Variants in ABCA3 observed in about 807,000 individuals in gnomAD.
The protein encoded by ABCA3 is phospholipid-transporting ATPase ABCA3.
ABCA3 carries 88 observed loss-of-function variants against 172.8 expected under a neutral mutation model. That is an observed-to-expected ratio of 0.51 (90% CI 0.43 to 0.61). The LOEUF (loss-of-function observed/expected upper bound fraction) is 0.61. Among genes scored for constraint, ABCA3 ranks in the 20% least tolerant of loss-of-function variants. The pLI, the probability that ABCA3 is intolerant of heterozygous loss-of-function variation, is 0.00. For synonymous variants in ABCA3, 1,066 were observed against 983.8 expected, an observed-to-expected ratio of 1.08 and a Z score of -1.56; for missense variants, 2,164 against 2,301.0, an observed-to-expected ratio of 0.94 and a Z score of 1.22.
At chr16:2,318,350 T>A (rs2093719992) in intron 8 of ABCA3, among the ~76,000 whole-genome samples, 1 of 152,210 alleles carries the variant, frequency 6.6e-6, no homozygotes, top group South Asian at 2.1e-4. Flanking sequence ...GGCGTGGTGA[T>A]GAGGAAACCC....
chr16:2,324,228 C>A (rs1339529073), intron 6 of ABCA3, among the ~76,000 whole-genome samples, 176 bp downstream of exon 6: 2 of 152,150 alleles, frequency 1.3e-5, no homozygotes, highest in African/African-American at 4.8e-5. Context: ...CACCAAGATC[C>A]CCTTGGCGGG....
At position 2,309,489 on chromosome 16, in the gene ABCA3, C is replaced by T. The variant is rs182028773; in HGVS notation, c.1112-866G>A. The stretch of plus-strand genomic sequence containing the variant: ...GCAGGATGGGAGAAGAGGCTCCCGA[C>T]GGCCGGGAAGGCTTCGAGGAGGTGA... On this transcript the variant is annotated intron_variant, in intron 10 of 32. Coordinates refer to ENST00000301732, the MANE Select transcript of ABCA3 (RefSeq NM_001089.3). Among the ~76,000 whole-genome samples the T allele has an allele frequency of 1.4e-3, 217 of 152,244 alleles. 1 individual carries two copies. The highest frequency in any genetic ancestry group is 4.9e-3 in the African/African-American group (203 of 41,546).
At position 2,285,145 on chromosome 16, in the gene ABCA3, C is replaced by T; in HGVS notation, c.3484-147G>A. The T allele has an allele frequency of 1.0e-6, 1 of 981,020 alleles. No homozygotes were observed. Among genetic ancestry groups the T allele is most frequent in the Non-Finnish European group, 1.6e-6 (1 of 644,984 alleles). 60.8% of individuals were successfully genotyped at this position (981,020 alleles called of 1,614,324 possible). ...ATCAGCCCCACAGGCCACGTCTGGC[C>T]CCCGCGGTGGCTTTCAGCCCCAGGA... On this transcript the variant is annotated intron_variant, in intron 23 of 32. Coordinates refer to ENST00000301732, the MANE Select transcript of ABCA3 (RefSeq NM_001089.3). This position sits in a 1 kb window ranked among gnomAD's most constrained non-coding sequence, Gnocchi z 4.7.
chr16:2,285,822 G>A lies in ABCA3; in HGVS notation c.3279-176C>T, dbSNP rs774548584. ...ACCGGGAACATCTGCCCCCACCGGAGAACGGTTCCTCTGGAATTCCTATGC... is the reference window on the plus strand; with the variant it reads ...ACCGGGAACATCTGCCCCCACCGGAAAACGGTTCCTCTGGAATTCCTATGC... On this transcript the variant is annotated intron_variant, in intron 22 of 32. Transcript: ENST00000301732. The surrounding 1 kb of genome is among the most constrained non-coding windows in gnomAD (Gnocchi z 4.7). Among the ~76,000 whole-genome samples the A allele has an allele frequency of 6.6e-6, 1 of 152,158 alleles. No homozygotes were observed. The highest frequency in any genetic ancestry group is 1.5e-5 in the Non-Finnish European group (1 of 68,020).
rs1380124178 is a variant in ABCA3 at position 2,297,674 on chromosome 16, G to A, written c.2052+92C>T. The A allele has an allele frequency of 3.8e-6, 6 of 1,591,308 alleles. No individual in the cohort carries two copies. Among genetic ancestry groups the A allele is most frequent in the Non-Finnish European group, 5.1e-6 (6 of 1,172,634 alleles). On this transcript the variant is annotated intron_variant, in intron 16 of 32. Coordinates refer to ENST00000301732, the MANE Select transcript of ABCA3 (RefSeq NM_001089.3). The surrounding 1 kb of genome is among the most constrained non-coding windows in gnomAD (Gnocchi z 5.6). ...AAGGATGGTGATGGCCTTGTCTGGG[G>A]TGTCAAGGGCCAAGGTGCCCGGGCC...
At position 2,322,390 on chromosome 16, in the gene ABCA3, TA is replaced by T. The variant is rs550714079; in HGVS notation, c.613+1132del. Among the ~76,000 whole-genome samples the T allele has an allele frequency of 3.8e-3, 580 of 152,006 alleles. 4 individuals are homozygous for T. The highest frequency in any genetic ancestry group is 0.014 in the African/African-American group (564 of 41,462). On this transcript the variant is annotated intron_variant, in intron 7 of 32. Coordinates refer to ENST00000301732, the MANE Select transcript of ABCA3 (RefSeq NM_001089.3). ...AAAAGTATTTCTTTCTTTTTTTTTT[TA>T]ATTATACTTTAAGTTTTAGGGTACG...
At position 2,281,316 on chromosome 16, in the gene ABCA3, C is replaced by T. The variant is rs1001603955; in HGVS notation, c.4164+65G>A. 1.2e-5 allele frequency: 19 copies of T among 1,613,012 alleles called. No homozygotes were observed. In the Admixed American group the frequency reaches 1.3e-4, roughly 11 times the overall value. On this transcript the variant is annotated intron_variant, in intron 27 of 32. Coordinates refer to ENST00000301732, the MANE Select transcript of ABCA3 (RefSeq NM_001089.3). This position sits in a 1 kb window ranked among gnomAD's most constrained non-coding sequence, Gnocchi z 4.7. Reference sequence around the variant, plus strand: ...CGCCGAAAGCTTCCAGGGATGGGGTCGGACCCTGGGGACAGCCAGGTAGTC... The same window carrying T: ...CGCCGAAAGCTTCCAGGGATGGGGTTGGACCCTGGGGACAGCCAGGTAGTC...
chr16:2,338,737 T>C (rs989956092), intron 1 of ABCA3, among the ~76,000 whole-genome samples: 4 of 151,386 alleles, frequency 2.6e-5, no homozygotes, highest in Non-Finnish European at 5.9e-5. Context: ...GAGCAGGGAC[T>C]GTGTCCAATT....
chr16:2,313,323 G>C (rs2093709496), intron 10 of ABCA3, among the ~76,000 whole-genome samples: 2 of 152,012 alleles, frequency 1.3e-5, no homozygotes, highest in African/African-American at 4.8e-5. Context: ...GGGAGGCTGA[G>C]GCTGGTGGAT....
chr16:2,294,162 C>T (rs770201685), intron 18 of ABCA3, among the ~76,000 whole-genome samples: 41 of 150,270 alleles, frequency 2.7e-4, no homozygotes, highest in Non-Finnish European at 5.2e-4. Context: ...GGATTACAGG[C>T]ACCCACCACC....
Position 2,277,325 on chromosome 16 carries a change from G to A in ABCA3, c.4983+272C>T, listed in dbSNP as rs1290060049. Among the ~76,000 whole-genome samples the A allele has an allele frequency of 1.3e-5, 2 of 152,196 alleles. No homozygotes were observed. The highest frequency in any genetic ancestry group is 2.9e-5 in the Non-Finnish European group (2 of 68,034). ...GCTGGTCTAGAACTCCCAGGCTTAA[G>A]CAATCCTCCCTCCTCGGCCTCCCAA... On this transcript the variant is annotated intron_variant, in intron 32 of 32. Coordinates refer to ENST00000301732, the MANE Select transcript of ABCA3 (RefSeq NM_001089.3). This position sits in a 1 kb window ranked among gnomAD's most constrained non-coding sequence, Gnocchi z 5.3.
chr16:2,297,745 C>T lies in ABCA3; in HGVS notation c.2052+21G>A, dbSNP rs1212763572. On this transcript the variant is annotated intron_variant, in intron 16 of 32. Coordinates refer to ENST00000301732, the MANE Select transcript of ABCA3 (RefSeq NM_001089.3). The surrounding 1 kb of genome is among the most constrained non-coding windows in gnomAD (Gnocchi z 5.6). ...GGTCGAGCAGGAGGGGAACCCACTG[C>T]CTCCAGTCCCACCGCCACACCTTGG... The T allele has an allele frequency of 2.5e-6, 4 of 1,608,180 alleles. No homozygotes were observed. In the Admixed American group the frequency reaches 5.0e-5, roughly 20 times the overall value.
chr16:2,291,640 G>A (rs146964520), intron 19 of ABCA3, among the ~76,000 whole-genome samples: 148 of 152,288 alleles, frequency 9.7e-4, no homozygotes, highest in Non-Finnish European at 1.7e-3. Context: ...CGTTTCCCAC[G>A]CACACCAATG....
At position 2,300,088 on chromosome 16, in the gene ABCA3, G is replaced by A. The variant is rs775602599; in HGVS notation, c.1528C>T (p.Pro510Ser). The A allele has an allele frequency of 2.5e-6, 4 of 1,613,396 alleles. No individual in the cohort carries two copies. The South Asian group carries it at 4.4e-5, about 18-fold the overall frequency. The change falls in exon 13 of 33, where the codon CCC becomes TCC. Residue 510 changes from proline (P) to serine (S), a missense_variant. This residue lies in a region of ABCA3 where 1,343 missense variants were observed against 1,369.6 expected (regional missense o/e 0.98). Transcript: ENST00000301732. ...TACTCGTTTCTGAGTGCTTTCTCGG[G>A]GTCACTGTCTTCTTCCTCCTTCCCT... ...VAGKEEEDSDPEKALRNEYFE... is the reference protein window; with the variant it reads ...VAGKEEEDSDSEKALRNEYFE...
chr16:2,307,161 G>C (rs1202583833), intron 11 of ABCA3, among the ~76,000 whole-genome samples: 1 of 151,672 alleles, frequency 6.6e-6, no homozygotes, highest in Non-Finnish European at 1.5e-5. Context: ...TTTATCACTT[G>C]TTTCTCTCTT....
intron 1 of ABCA3, among the ~76,000 whole-genome samples, chr16:2,330,071 G>A (rs535756883): frequency 4.5e-4 from 69 of 151,974 alleles, no homozygotes; most frequent in South Asian, 6.2e-4. Context: ...TGAGCTGGGC[G>A]GATCACCTGA....
intron 11 of ABCA3, among the ~76,000 whole-genome samples, chr16:2,304,498 GTCTT>G (rs1178816798): frequency 2.2e-5 from 3 of 138,908 alleles, no homozygotes; most frequent in Non-Finnish European, 4.6e-5. Flanking sequence ...TTTAGCATAA[GTCTT>G]TTTTTTTTTT....
chr16:2,313,935 T>A (rs976841660), intron 10 of ABCA3, among the ~76,000 whole-genome samples: 1 of 149,610 alleles, frequency 6.7e-6, no homozygotes, highest in Non-Finnish European at 1.5e-5. Flanking sequence ...GACTGAGAGA[T>A]ACCCCCTCAC....
At chr16:2,298,308 T>C (rs2141708220) in intron 15 of ABCA3, 78 bp downstream of exon 15, 2 of 1,596,788 alleles carry the variant, frequency 1.3e-6, no homozygotes, top group Non-Finnish European at 1.7e-6. Flanking sequence ...TCCTCCAGTT[T>C]AGCTCCTCGG....
Sources: gnomAD v4.1 joint callset for allele counts (sites outside exome capture counted in the v4.1 genomes callset) on GRCh38, gnomAD v4.1.1 for gene constraint, gnomAD v4.1.1 regional missense constraint, Gnocchi (gnomAD v3.1) non-coding constraint, MANE v1.5 for transcripts, NCBI Gene and HGNC (gene_info 2026-07-23, HGNC 2026-07-21) for gene names.